Variants in FAM81A observed in about 807,000 individuals in gnomAD.
FAM81A encodes the protein family with sequence similarity 81 member A.
In FAM81A, 19 loss-of-function variants were observed where a neutral mutation model predicts 46.7. The observed-to-expected ratio is 0.41, with a 90% CI of 0.28 to 0.60. The LOEUF is 0.60. Among genes scored for constraint, FAM81A ranks in the 20% least tolerant of loss-of-function variants. The probability of loss-of-function intolerance (pLI) is 0.34; values close to 1 mark genes in which losing one functional copy is unlikely to be tolerated. For missense variants in FAM81A, 377 were observed against 453.5 expected (o/e 0.83, Z 1.53); for synonymous variants, 183 against 152.9 (o/e 1.20, Z -1.45).
intron 1 of FAM81A, among the ~76,000 whole-genome samples, chr15:59,442,618 CAAAAAAAAAAAA>C (rs1196305104): frequency 6.5e-5 from 5 of 76,678 alleles, no homozygotes; most frequent in East Asian, 3.5e-4. Flanking sequence ...CTCCGTCTCT[CAAAAAAAAAAAA>C]AAAAAAAAAA....
At chr15:59,468,647 T>TA (rs201762928) in intron 3 of FAM81A, among the ~76,000 whole-genome samples, 31,497 of 147,152 alleles carry the variant, frequency 0.21, 5,074 homozygotes, top group African/African-American at 0.46. Flanking sequence ...TGTTGATGTT[T>TA]AAAAAAAAAA....
intron 4 of FAM81A, among the ~76,000 whole-genome samples, chr15:59,498,640 G>T (rs2082058854): frequency 6.6e-6 from 1 of 152,008 alleles, no homozygotes; most frequent in South Asian, 2.1e-4. Context: ...TATTTAGTAG[G>T]TGTTAGGTGT....
intron 3 of FAM81A, among the ~76,000 whole-genome samples, chr15:59,487,111 A>G (rs985339113): frequency 2.0e-5 from 3 of 146,760 alleles, no homozygotes; most frequent in African/African-American, 7.4e-5. Flanking sequence ...ATATGAATAG[A>G]AACAACAAAA....
chr15:59,404,905 C>T (rs910610349), intron 2 of FAM81A, among the ~76,000 whole-genome samples: 1 of 152,218 alleles, frequency 6.6e-6, no homozygotes, highest in Admixed American at 6.5e-5. Flanking sequence ...CCCTAACCAT[C>T]ACCCTGAAAT....
intron 5 of FAM81A, 37 bp downstream of exon 5, chr15:59,507,379 A>T: frequency 6.2e-7 from 1 of 1,600,214 alleles, no homozygotes; most frequent in Non-Finnish European, 8.5e-7. Flanking sequence ...GAAGCGGGTA[A>T]TTTGTTCTTA....
At chr15:59,458,679 G>C (rs780055901) in intron 2 of FAM81A, 33 bp downstream of exon 2, 1 of 1,578,582 alleles carries the variant, frequency 6.3e-7, no homozygotes, top group South Asian at 1.1e-5. Context: ...TCCCATGGGG[G>C]CTGCTAGTGG....
intron 2 of FAM81A, among the ~76,000 whole-genome samples, chr15:59,426,565 T>C (rs1241855400): frequency 2.6e-5 from 4 of 152,232 alleles, no homozygotes; most frequent in Non-Finnish European, 4.4e-5. Context: ...TGAACCGAGA[T>C]TGCGCCACTG....
At chr15:59,438,975 G>A (rs1484113112) in intron 1 of FAM81A, 5 of 152,210 alleles carry the variant, frequency 3.3e-5, no homozygotes, top group Non-Finnish European at 5.9e-5. Flanking sequence ...ATGCTCCTAA[G>A]TTCTTCTTTC....
At chr15:59,503,196 A>G (rs1012032111) in intron 4 of FAM81A, among the ~76,000 whole-genome samples, 1 of 144,468 alleles carries the variant, frequency 6.9e-6, no homozygotes, top group African/African-American at 2.6e-5. Context: ...AGATCGTGCC[A>G]CTGCACTCCA....
At chr15:59,482,988 C>G (rs1351385276) in intron 3 of FAM81A, among the ~76,000 whole-genome samples, 1 of 151,910 alleles carries the variant, frequency 6.6e-6, no homozygotes, top group African/African-American at 2.4e-5. Context: ...TGAGAAAAAG[C>G]TGGAAGCTAC....
At position 59,519,527 on chromosome 15, in the gene FAM81A, C is replaced by T. The variant is rs537226219; in HGVS notation, c.983-1727C>T. On this transcript the variant is annotated intron_variant, in intron 8 of 8. Coordinates refer to ENST00000288228, the MANE Select transcript of FAM81A (RefSeq NM_152450.3). The stretch of plus-strand genomic sequence containing the variant: ...CTCTCTTTCTCTCTTTCTTTCCTTT[C>T]TTTCTCTTTCTTTTCTTTCTTCCTT... 1.7e-4 allele frequency among the ~76,000 whole-genome samples: 24 copies of T among 139,082 alleles called. No homozygotes were observed. In the South Asian group the frequency reaches 5.1e-3, roughly 30 times the overall value. The allele number at this position is 139,082 out of a possible 152,430, so 91.2% of individuals were successfully genotyped here.
At chr15:59,398,394 C>A (rs1225205353) in intron 1 of FAM81A, among the ~76,000 whole-genome samples, 2 of 152,196 alleles carry the variant, frequency 1.3e-5, no homozygotes, top group African/African-American at 4.8e-5. Flanking sequence ...TGGGAGTTGA[C>A]TTCCCTTTTA....
intron 2 of FAM81A, among the ~76,000 whole-genome samples, chr15:59,410,812 G>A (rs1489894907): frequency 3.3e-5 from 5 of 152,148 alleles, no homozygotes; most frequent in Middle Eastern, 3.2e-3. Context: ...GGCTGATCTC[G>A]GCTTACTGAT....
chr15:59,455,839 C>T (rs1290271826), intron 1 of FAM81A, among the ~76,000 whole-genome samples: 1 of 152,132 alleles, frequency 6.6e-6, no homozygotes, highest in Non-Finnish European at 1.5e-5. Flanking sequence ...TATTGAGTGT[C>T]TAATATTTGG....
At chr15:59,509,846 G>A (rs373354561) in intron 6 of FAM81A, among the ~76,000 whole-genome samples, 4 of 152,296 alleles carry the variant, frequency 2.6e-5, no homozygotes, top group East Asian at 3.9e-4. Context: ...GGGAGTGAGG[G>A]TGAAGCAGTG....
intron 2 of FAM81A, among the ~76,000 whole-genome samples, chr15:59,421,703 T>G (rs1596464040): frequency 1.4e-5 from 2 of 143,708 alleles, no homozygotes; most frequent in African/African-American, 4.9e-5. Flanking sequence ...ATTAAACCCT[T>G]AAACTATCTA....
At chr15:59,505,070 C>A (rs1437106738) in intron 4 of FAM81A, among the ~76,000 whole-genome samples, 1 of 152,174 alleles carries the variant, frequency 6.6e-6, no homozygotes, top group African/African-American at 2.4e-5. Flanking sequence ...GGAACTCCTC[C>A]TTGACTTATG....
At chr15:59,405,656 T>C (rs1017438729) in intron 2 of FAM81A, among the ~76,000 whole-genome samples, 13 of 151,400 alleles carry the variant, frequency 8.6e-5, no homozygotes, top group African/African-American at 3.1e-4. Context: ...AAAAGAATAA[T>C]GATAATAATT....
intron 3 of FAM81A, among the ~76,000 whole-genome samples, chr15:59,476,938 G>A (rs62013102): frequency 1.3e-5 from 2 of 151,454 alleles, no homozygotes; most frequent in African/African-American, 4.9e-5. Context: ...TGGCCAACAT[G>A]GTGAAACCCC....
Sources: gnomAD v4.1 joint callset for allele counts (sites outside exome capture counted in the v4.1 genomes callset) on GRCh38, gnomAD v4.1.1 for gene constraint, MANE v1.5 for transcripts, NCBI Gene and HGNC (gene_info 2026-07-23, HGNC 2026-07-21) for gene names.